Variants in CCDC170 observed in about 807,000 individuals in gnomAD.
The protein encoded by CCDC170 is coiled-coil domain containing 170, also known as coiled-coil domain-containing protein 170.
CCDC170 carries 69 observed loss-of-function variants against 72.6 expected under a neutral mutation model. The observed-to-expected ratio is 0.95, with a 90% confidence interval of 0.78 to 1.16. The LOEUF (loss-of-function observed/expected upper bound fraction) is 1.16. CCDC170 is among the 50% of genes most tolerant of loss of function. The pLI, the probability that CCDC170 is intolerant of heterozygous loss-of-function variation, is 0.00. For missense variants in CCDC170, 852 were observed against 832.5 expected (o/e 1.02, Z -0.29); for synonymous variants, 300 against 303.9 (o/e 0.99, Z 0.13).
intron 1 of CCDC170, among the ~76,000 whole-genome samples, chr6:151,521,029 T>C (rs1386499317): frequency 6.6e-6 from 1 of 152,180 alleles, no homozygotes. Context: ...GTGAACCCAT[T>C]GGGTGGTTAC....
At chr6:151,592,063 T>C (rs1205918853) in intron 7 of CCDC170, among the ~76,000 whole-genome samples, 3 of 152,018 alleles carry the variant, frequency 2.0e-5, no homozygotes, top group Non-Finnish European at 4.4e-5. Flanking sequence ...TTCACACTGC[T>C]GACAAAGACA....
At chr6:151,498,132 A>G (rs1039873915) in intron 1 of CCDC170, among the ~76,000 whole-genome samples, 1 of 152,150 alleles carries the variant, frequency 6.6e-6, no homozygotes, top group African/African-American at 2.4e-5. Flanking sequence ...GTGTTTTCAC[A>G]TACCTGGAAA....
chr6:151,620,218 G>C lies in CCDC170; in HGVS notation c.*2071G>C. 1 of 148,320 alleles carries C rather than the reference G, an allele frequency of 6.7e-6. No homozygotes were observed. Among genetic ancestry groups the C allele is most frequent in the Non-Finnish European group, 1.5e-5 (1 of 67,104 alleles). 9.2% of individuals were successfully genotyped at this position (148,320 alleles called of 1,614,324 possible). A position where few individuals can be genotyped will look rare whatever the true frequency, so the allele number is the denominator to read the frequency against. ...AAAAAAAAAAAAAAGAAGAAAGAGAGAAAGAAAGAAACAGAAAAACCTAAA... is the reference window on the plus strand; with the variant it reads ...AAAAAAAAAAAAAAGAAGAAAGAGACAAAGAAAGAAACAGAAAAACCTAAA... On this transcript the variant is annotated 3_prime_UTR_variant, in exon 11 of 11. Coordinates refer to ENST00000239374, the MANE Select transcript of CCDC170 (RefSeq NM_025059.4).
intron 5 of CCDC170, among the ~76,000 whole-genome samples, chr6:151,563,663 G>A (rs989788290): frequency 5.5e-4 from 83 of 152,244 alleles, no homozygotes; most frequent in African/African-American, 1.9e-3. Flanking sequence ...GTGTGGGCAC[G>A]TCTGTGTGAG....
chr6:151,513,266 A>G (rs1252313757), intron 1 of CCDC170, among the ~76,000 whole-genome samples: 1 of 152,238 alleles, frequency 6.6e-6, no homozygotes, highest in Non-Finnish European at 1.5e-5. Context: ...TATAACCCCA[A>G]TTATATTTTT....
intron 6 of CCDC170, among the ~76,000 whole-genome samples, chr6:151,580,092 C>G: frequency 6.6e-6 from 1 of 152,162 alleles, no homozygotes; most frequent in Non-Finnish European, 1.5e-5. Context: ...TGGGCATCAG[C>G]TTCAGAATGG....
At chr6:151,589,747 A>G (rs1367342478) in intron 7 of CCDC170, among the ~76,000 whole-genome samples, 1 of 152,108 alleles carries the variant, frequency 6.6e-6, no homozygotes, top group East Asian at 1.9e-4. Context: ...CTTTATCTTA[A>G]AACTGGTCAG....
intron 10 of CCDC170, among the ~76,000 whole-genome samples, chr6:151,616,093 G>A (rs1381601265): frequency 6.6e-6 from 1 of 152,110 alleles, no homozygotes; most frequent in Non-Finnish European, 1.5e-5. Context: ...ACAGGTTCTG[G>A]TTCTGGGGAG....
chr6:151,525,521 C>G (rs1259795377), intron 1 of CCDC170, among the ~76,000 whole-genome samples: 1 of 152,058 alleles, frequency 6.6e-6, no homozygotes, highest in Non-Finnish European at 1.5e-5. Flanking sequence ...ATTTCCCCAC[C>G]CTTAAGAAGG....
intron 1 of CCDC170, among the ~76,000 whole-genome samples, chr6:151,531,314 A>G (rs564057993): frequency 6.6e-6 from 1 of 152,326 alleles, no homozygotes; most frequent in South Asian, 2.1e-4. Flanking sequence ...TATAAAAAAT[A>G]AAATCAGGCC....
intron 9 of CCDC170, among the ~76,000 whole-genome samples, chr6:151,609,877 T>C (rs73617530): frequency 1.0e-3 from 152 of 152,344 alleles, no homozygotes; most frequent in African/African-American, 3.5e-3. Context: ...TAAAGTCTCA[T>C]ATTTTTTAGA....
intron 1 of CCDC170, among the ~76,000 whole-genome samples, chr6:151,534,702 C>A (rs1289622569): frequency 1.3e-5 from 2 of 152,214 alleles, no homozygotes. Context: ...TTACTAAGAG[C>A]TCCGAAGGTT....
intron 5 of CCDC170, among the ~76,000 whole-genome samples, chr6:151,561,111 T>C (rs1325522895): frequency 6.6e-6 from 1 of 152,086 alleles, no homozygotes; most frequent in East Asian, 1.9e-4. Context: ...TGTATATTTA[T>C]GGGGTACATG....
rs562326213 is a variant in CCDC170, at chr6:151,515,336, G to T, written c.58-20982G>T. Reference sequence around the variant, plus strand: ...CTCACTCTGTCACCCAGACTGAAGTGCAATGGTGTGATCTTGGCTCACTGC... The same window carrying T: ...CTCACTCTGTCACCCAGACTGAAGTTCAATGGTGTGATCTTGGCTCACTGC... On this transcript the variant is annotated intron_variant, in intron 1 of 10. Coordinates refer to ENST00000239374, the MANE Select transcript of CCDC170 (RefSeq NM_025059.4). 5.3e-5 allele frequency among the ~76,000 whole-genome samples: 8 copies of T among 152,356 alleles called. No homozygotes were observed. The South Asian group carries it at 1.7e-3, about 32-fold the overall frequency.
At chr6:151,565,882 T>C (rs1002234773) in intron 5 of CCDC170, among the ~76,000 whole-genome samples, 9 of 152,318 alleles carry the variant, frequency 5.9e-5, no homozygotes, top group African/African-American at 2.2e-4. Flanking sequence ...TATATAAATA[T>C]TTTTATTATG....
At chr6:151,540,324 CTCCTCTTCCT>C (rs1684702271) in intron 3 of CCDC170, among the ~76,000 whole-genome samples, 1 of 146,742 alleles carries the variant, frequency 6.8e-6, no homozygotes, top group South Asian at 2.2e-4. Context: ...CCTCCTCCTC[CTCCTCTTCCT>C]TCCTCTTCCT....
chr6:151,596,319 G>C lies in CCDC170; in HGVS notation c.1468-16G>C. Reference sequence around the variant, plus strand: ...TTCAATTATTAAAAAAAAAATCCCTGTTTGCATCAAACCAGCTAAAGACAC... The same window carrying C: ...TTCAATTATTAAAAAAAAAATCCCTCTTTGCATCAAACCAGCTAAAGACAC... On this transcript the variant is annotated splice_polypyrimidine_tract_variant and intron_variant, in intron 8 of 10. Coordinates refer to ENST00000239374, the MANE Select transcript of CCDC170 (RefSeq NM_025059.4). 1 of 1,579,006 alleles carries C rather than the reference G, an allele frequency of 6.3e-7. No homozygotes were observed. The highest frequency in any genetic ancestry group is 2.2e-5 in the East Asian group (1 of 44,578).
At position 151,538,587 on chromosome 6, in the gene CCDC170, C is replaced by T. The variant is rs937691062; in HGVS notation, c.443+286C>T. Among the ~76,000 whole-genome samples the T allele has an allele frequency of 2.0e-5, 3 of 152,182 alleles. No individual in the cohort carries two copies. The East Asian group carries it at 5.8e-4, about 29-fold the overall frequency. On this transcript the variant is annotated intron_variant, in intron 3 of 10. Coordinates refer to ENST00000239374, the MANE Select transcript of CCDC170 (RefSeq NM_025059.4). ...TATTTACACAATTTCGAAGATTTCT[C>T]TAAGTAGAGTTTAACCCTGAGCTTG... is the stretch of plus-strand genomic sequence containing the variant.
chr6:151,573,399 C>G lies in CCDC170; in HGVS notation c.1000C>G (p.Leu334Val). Residue 334 changes from leucine to valine, a missense_variant, in exon 6 of 11, where the codon CTT (leucine) becomes GTT (valine). By Grantham distance (32) the Leu-to-Val change is conservative. Coordinates refer to ENST00000239374, the MANE Select transcript of CCDC170 (RefSeq NM_025059.4). ...ATTTAGGGAGAAAATCGCAGCCCTC[C>G]TTAGGGGCAGATTGAGCATGACTGG... is the stretch of plus-strand genomic sequence containing the variant. ...FSFREKIAAL[L>V]RGRLSMTGST... 6.2e-7 allele frequency: 1 copy of G among 1,614,108 alleles called. No individual in the cohort carries two copies. Among genetic ancestry groups the G allele is most frequent in the Non-Finnish European group, 8.5e-7 (1 of 1,179,998 alleles).
Sources: gnomAD v4.1 joint callset for allele counts (sites outside exome capture counted in the v4.1 genomes callset) on GRCh38, gnomAD v4.1.1 for gene constraint, MANE v1.5 for transcripts, NCBI Gene and HGNC (gene_info 2026-07-23, HGNC 2026-07-21) for gene names.